Variants in GALNT13 observed in about 807,000 individuals in gnomAD.
The protein encoded by GALNT13 is polypeptide N-acetylgalactosaminyltransferase 13.
Under a neutral mutation model 64.2 loss-of-function variants are expected in GALNT13, and 28 were observed. The observed-to-expected ratio is 0.44, with a 90% CI of 0.32 to 0.60. The LOEUF (loss-of-function observed/expected upper bound fraction) is 0.60, where lower values mean the gene tolerates loss of function less well. GALNT13 is among the 20% of genes least tolerant of loss of function. The probability of loss-of-function intolerance (pLI) is 0.05; values close to 1 mark genes in which losing one functional copy is unlikely to be tolerated. For synonymous variants in GALNT13, 214 were observed against 224.6 expected (o/e 0.95, Z 0.42); for missense variants, 577 against 669.8 (o/e 0.86, Z 1.53).
chr2:153,319,848 A>G, the GALNT13 span, among the ~76,000 whole-genome samples: 1 of 152,292 alleles, frequency 6.6e-6, no homozygotes, highest in South Asian at 2.1e-4. Flanking sequence ...CCCATTTCTC[A>G]TGCAAGGAAT....
chr2:153,651,872 G>T, the GALNT13 span, among the ~76,000 whole-genome samples: 2 of 152,208 alleles, frequency 1.3e-5, no homozygotes, highest in African/African-American at 4.8e-5. Flanking sequence ...TATATTTGTT[G>T]TATCTGTTAT....
At chr2:153,631,991 T>C in the GALNT13 span, among the ~76,000 whole-genome samples, 1 of 152,164 alleles carries the variant, frequency 6.6e-6, no homozygotes, top group Non-Finnish European at 1.5e-5. Flanking sequence ...CCTCTTAGGA[T>C]AAAAATTCAG....
chr2:153,905,867 C>A (rs1219419763), intron 2 of GALNT13, among the ~76,000 whole-genome samples: 3 of 151,836 alleles, frequency 2.0e-5, no homozygotes, highest in Non-Finnish European at 2.9e-5. Flanking sequence ...TGAATACAAA[C>A]ACTGTGATAA....
At chr2:154,101,252 ATT>A in intron 3 of GALNT13, among the ~76,000 whole-genome samples, 2 of 151,914 alleles carry the variant, frequency 1.3e-5, no homozygotes, top group South Asian at 4.2e-4. Flanking sequence ...TTCCTCCTCA[ATT>A]TTTTTGGAAT....
the GALNT13 span, among the ~76,000 whole-genome samples, chr2:153,390,654 A>G: frequency 1.3e-5 from 2 of 152,030 alleles, no homozygotes; most frequent in African/African-American, 4.8e-5. Flanking sequence ...TAATTACATT[A>G]TTATGGTTTT....
At chr2:153,093,423 G>A in the GALNT13 span, among the ~76,000 whole-genome samples, 1 of 151,756 alleles carries the variant, frequency 6.6e-6, no homozygotes, top group Non-Finnish European at 1.5e-5. Flanking sequence ...TATTTTAGTA[G>A]AGACAGGGTT....
chr2:153,831,854 T>C, the GALNT13 span, among the ~76,000 whole-genome samples: 9 of 152,190 alleles, frequency 5.9e-5, no homozygotes, highest in African/African-American at 2.2e-4. Context: ...CTTTGAACTC[T>C]GTTAACAGAA....
rs905075164 is a variant in GALNT13, at chr2:154,294,625, A to G, written c.976-6784A>G. Among the ~76,000 whole-genome samples the G allele has an allele frequency of 9.2e-5, 14 of 152,238 alleles. 1 individual carries two copies. The highest frequency in any genetic ancestry group is 3.1e-4 in the African/African-American group (13 of 41,468). On this transcript the variant is annotated intron_variant, in intron 8 of 12. Coordinates refer to ENST00000392825, the MANE Select transcript of GALNT13 (RefSeq NM_052917.4). ...AGTTTTATGTCAAATGAGAGCCTTCAGAAATGAAGACCTAAAGATCCAAGA... is the reference window on the plus strand; with the variant it reads ...AGTTTTATGTCAAATGAGAGCCTTCGGAAATGAAGACCTAAAGATCCAAGA...
In GALNT13 at chr2:154,389,286, C is replaced by T. The variant is rs916298850; in HGVS notation, c.1157-6705C>T. ...AAGTAGCTGGGATTACAGGCACCCACCACAACTGGCCAGCTAATTTTTTGG... is the reference window on the plus strand; with the variant it reads ...AAGTAGCTGGGATTACAGGCACCCATCACAACTGGCCAGCTAATTTTTTGG... On this transcript the variant is annotated intron_variant, in intron 9 of 12. Coordinates refer to ENST00000392825, the MANE Select transcript of GALNT13 (RefSeq NM_052917.4). 4.6e-5 allele frequency among the ~76,000 whole-genome samples: 7 copies of T among 152,188 alleles called. 1 individual carries two copies. The highest frequency in any genetic ancestry group is 6.8e-3 in the Middle Eastern group (2 of 294).
At chr2:154,122,171 A>T (rs1681985066) in intron 3 of GALNT13, among the ~76,000 whole-genome samples, 2 of 152,054 alleles carry the variant, frequency 1.3e-5, no homozygotes, top group Admixed American at 6.6e-5. Context: ...TGAATCGGCC[A>T]TACATACCTA....
intron 3 of GALNT13, among the ~76,000 whole-genome samples, chr2:154,082,924 C>A (rs1048630758): frequency 3.3e-5 from 5 of 151,868 alleles, no homozygotes; most frequent in African/African-American, 1.2e-4. Flanking sequence ...AATTAGATCC[C>A]ATTTGTCAGT....
chr2:153,697,181 C>T, the GALNT13 span, among the ~76,000 whole-genome samples: 1 of 152,176 alleles, frequency 6.6e-6, no homozygotes, highest in Admixed American at 6.5e-5. Context: ...TGTTGAGCCT[C>T]AAAGCTAGCA....
chr2:153,252,037 A>T, the GALNT13 span, among the ~76,000 whole-genome samples: 1 of 151,416 alleles, frequency 6.6e-6, no homozygotes, highest in Admixed American at 6.6e-5. Flanking sequence ...ATCCCTGAGG[A>T]ATCACTACAC....
At chr2:154,211,276 C>T (rs760209277) in intron 4 of GALNT13, among the ~76,000 whole-genome samples, 17 of 151,978 alleles carry the variant, frequency 1.1e-4, no homozygotes, top group Non-Finnish European at 1.5e-4. Flanking sequence ...GTACTGACTA[C>T]GGTAGGCAAT....
At chr2:154,190,691 C>A (rs550270526) in intron 4 of GALNT13, among the ~76,000 whole-genome samples, 1 of 152,212 alleles carries the variant, frequency 6.6e-6, no homozygotes, top group African/African-American at 2.4e-5. Flanking sequence ...AGCATTGCAA[C>A]CTCTGAAGTA....
the GALNT13 span, among the ~76,000 whole-genome samples, chr2:153,260,202 C>T: frequency 6.6e-6 from 1 of 152,060 alleles, no homozygotes; most frequent in Non-Finnish European, 1.5e-5. Context: ...TAGATATGTT[C>T]ATATTTTAGT....
the GALNT13 span, among the ~76,000 whole-genome samples, chr2:153,299,887 C>T: frequency 7.2e-5 from 11 of 152,186 alleles, no homozygotes; most frequent in Admixed American, 3.3e-4. Flanking sequence ...CTTTTGTTCT[C>T]ATTCTGTCCT....
intron 1 of GALNT13, among the ~76,000 whole-genome samples, chr2:153,876,389 A>AAAT (rs1344839602): frequency 2.0e-5 from 3 of 152,186 alleles, no homozygotes; most frequent in Non-Finnish European, 4.4e-5. Context: ...TCTGCCATTC[A>AAAT]AATATATGCA....
At chr2:154,320,556 T>C (rs1444947744) in intron 9 of GALNT13, among the ~76,000 whole-genome samples, 1 of 152,130 alleles carries the variant, frequency 6.6e-6, no homozygotes, top group Non-Finnish European at 1.5e-5. Context: ...AGTAAAGTAG[T>C]AAAGGGTGGT....
Sources: gnomAD v4.1 joint callset for allele counts (sites outside exome capture counted in the v4.1 genomes callset) on GRCh38, gnomAD v4.1.1 for gene constraint, MANE v1.5 for transcripts, NCBI Gene and HGNC (gene_info 2026-07-23, HGNC 2026-07-21) for gene names.